GON4L: variants seen among roughly 807,000 people sequenced by gnomAD.
GON4L encodes the protein GON-4-like protein.
In GON4L, 87 loss-of-function variants were observed where a neutral mutation model predicts 211.8. That is an observed-to-expected ratio of 0.41 (90% confidence interval 0.35 to 0.49). The LOEUF (loss-of-function observed/expected upper bound fraction) is 0.49. GON4L is among the 20% of genes least tolerant of loss of function. GON4L has a pLI of 0.15. For missense variants in GON4L, 2,155 were observed against 2,659.5 expected (o/e 0.81, Z 4.17); for synonymous variants, 875 against 962.6 (o/e 0.91, Z 1.68).
intron 17 of GON4L, chr1:155,773,565 C>T (rs949064237): frequency 6.0e-5 from 13 of 217,746 alleles, no homozygotes; most frequent in African/African-American, 1.9e-4. Context: ...GATAAGAGAC[C>T]TTCAACAATG....
chr1:155,811,923 G>A (rs1194686416), intron 10 of GON4L, among the ~76,000 whole-genome samples: 3 of 145,910 alleles, frequency 2.1e-5, no homozygotes, highest in Non-Finnish European at 4.5e-5. Context: ...GTGGTGGTGG[G>A]CACCTGTAAT....
Position 155,800,465 on chromosome 1 carries a change from G to C in GON4L, c.1645+4484C>G, listed in dbSNP as rs1386754689. Among the ~76,000 whole-genome samples the C allele has an allele frequency of 7.9e-5, 12 of 151,610 alleles. No homozygotes were observed. In the East Asian group the frequency reaches 2.3e-3, roughly 29 times the overall value. On this transcript the variant is annotated intron_variant, in intron 11 of 31. Coordinates refer to ENST00000368331, the MANE Select transcript of GON4L (RefSeq NM_001282860.2). ...CCAGCTACTTGGGAGGCTGAGACAG[G>C]AGAATCGCTTGAACCTGAGAGGCGG...
rs181073681 is a variant in GON4L at position 155,750,689 on chromosome 1, G to A, written c.6621C>T (p.Ala2207=). 2.3e-5 allele frequency: 36 copies of A among 1,585,686 alleles called. No individual in the cohort carries two copies. In the African/African-American group the frequency reaches 4.4e-4, roughly 20 times the overall value. Residue 2207 remains alanine (A), a synonymous_variant, in exon 32 of 32, where the codon GCC becomes GCT. Coordinates refer to ENST00000368331, the MANE Select transcript of GON4L (RefSeq NM_001282860.2). Reference sequence around the variant, plus strand: ...CCTCATCCTCAGAGCTGGCTTCACAGGCAGTGTGGAAGAGCTGCATGAGTT... The same window carrying A: ...CCTCATCCTCAGAGCTGGCTTCACAAGCAGTGTGGAAGAGCTGCATGAGTT... ...FRELMQLFHT[A]CEASSEDEDD... is the part of the protein sequence containing the mutation.
intron 12 of GON4L, among the ~76,000 whole-genome samples, chr1:155,787,772 T>A (rs1040428046): frequency 1.3e-5 from 2 of 150,706 alleles, no homozygotes; most frequent in African/African-American, 2.4e-5. Flanking sequence ...GGACTCCATC[T>A]CAAAAATAAA....
At position 155,752,561 on chromosome 1, in the gene GON4L, A is replaced by T; in HGVS notation, c.5872T>A (p.Ser1958Thr). Residue 1958 changes from serine to threonine, a missense_variant, in exon 30 of 32, where the codon TCC becomes ACC. Ser to Thr is a moderately conservative substitution (Grantham distance 58). Transcript: ENST00000368331. ...AGLAVGSTLP[S>T]PREVTVTERL... The stretch of plus-strand genomic sequence containing the variant: ...TCTGTAACAGTCACTTCTCGAGGGG[A>T]TGGCAAAGTGCTCCCCACTGCCAAT... The T allele has an allele frequency of 6.3e-7, 1 of 1,595,664 alleles. No homozygotes were observed. Among genetic ancestry groups the T allele is most frequent in the Non-Finnish European group, 8.5e-7 (1 of 1,170,850 alleles).
chr1:155,791,603 C>T (rs1365926515), intron 12 of GON4L, among the ~76,000 whole-genome samples: 1 of 151,642 alleles, frequency 6.6e-6, no homozygotes, highest in East Asian at 1.9e-4. Flanking sequence ...CAGTGCGGCT[C>T]ATGACTGTAA....
intron 2 of GON4L, chr1:155,845,745 T>C (rs771097604): frequency 1.8e-5 from 5 of 273,240 alleles, no homozygotes; most frequent in African/African-American, 4.5e-5. Context: ...ACTAGTGACA[T>C]GAAGCCAAAG....
At chr1:155,806,010 GAT>G (rs1667096238) in intron 10 of GON4L, among the ~76,000 whole-genome samples, 1 of 135,334 alleles carries the variant, frequency 7.4e-6, no homozygotes, top group Non-Finnish European at 1.6e-5. Context: ...TTTTTTAAGA[GAT>G]AGAGTCTCAA....
intron 3 of GON4L, 132 bp from the exon 4 acceptor site, chr1:155,822,608 CAT>C (rs1190469861): frequency 2.8e-6 from 2 of 723,274 alleles, no homozygotes; most frequent in Non-Finnish European, 5.0e-6. Flanking sequence ...TAAAAGGACA[CAT>C]ATTATATGAC....
At chr1:155,815,312 A>G (rs1557892596) in intron 8 of GON4L, among the ~76,000 whole-genome samples, 1 of 152,238 alleles carries the variant, frequency 6.6e-6, no homozygotes, top group Non-Finnish European at 1.5e-5. Context: ...CTTAATGTTG[A>G]ATTTTAAAAA....
chr1:155,821,912 A>G (rs1250803774), intron 4 of GON4L, among the ~76,000 whole-genome samples: 1 of 152,258 alleles, frequency 6.6e-6, no homozygotes, highest in Non-Finnish European at 1.5e-5. Flanking sequence ...AAGTATTTAC[A>G]TATGTACAAA....
chr1:155,845,544 CT>C, intron 2 of GON4L: 1 of 305,198 alleles, frequency 3.3e-6, no homozygotes, highest in Non-Finnish European at 6.7e-6. Flanking sequence ...TTTACAGTCC[CT>C]TTTAATGAAG....
chr1:155,810,435 T>C (rs543428322), intron 10 of GON4L, among the ~76,000 whole-genome samples: 2 of 149,206 alleles, frequency 1.3e-5, no homozygotes, highest in East Asian at 4.1e-4. Flanking sequence ...AGGCCAGGCA[T>C]GGTGGCTCAC....
intron 10 of GON4L, among the ~76,000 whole-genome samples, chr1:155,806,587 G>C (rs1345807092): frequency 6.6e-6 from 1 of 152,094 alleles, no homozygotes; most frequent in Non-Finnish European, 1.5e-5. Context: ...ATGGTGGTAT[G>C]TGCCTGTGGT....
In GON4L at chr1:155,775,236, C is replaced by A. The variant is rs886232014; in HGVS notation, c.2179-63G>T. 3.7e-6 allele frequency: 6 copies of A among 1,608,378 alleles called. No individual in the cohort carries two copies. The African/African-American group carries it at 4.0e-5, about 11-fold the overall frequency. ...CCAGACAATTAATACCAGTAGCCTTCAGAATCTAAATGAGAAGCTGACCTT... is the reference window on the plus strand; with the variant it reads ...CCAGACAATTAATACCAGTAGCCTTAAGAATCTAAATGAGAAGCTGACCTT... On this transcript the variant is annotated intron_variant, in intron 16 of 31. Coordinates refer to ENST00000368331, the MANE Select transcript of GON4L (RefSeq NM_001282860.2).
intron 10 of GON4L, among the ~76,000 whole-genome samples, chr1:155,811,754 C>CA (rs145360103): frequency 0.59 from 19,303 of 32,872 alleles, 6,764 homozygotes; most frequent in Middle Eastern, 0.82. Context: ...GACTCTGTCT[C>CA]AAAAAAAAAA....
In GON4L at chr1:155,750,590, A is replaced by T; in HGVS notation, c.6720T>A (p.Asp2240Glu). Residue 2240 changes from aspartate (D) to glutamate (E), a missense_variant, in exon 32 of 32, where the codon GAT becomes GAA. Asp to Glu is a conservative substitution (Grantham distance 45). Around this residue, in one of 6 missense-constraint regions of GON4L, gnomAD observed 186 missense variants for 308.1 expected, o/e 0.60. Coordinates refer to ENST00000368331, the MANE Select transcript of GON4L (RefSeq NM_001282860.2). ...HGDLLSEEEL[D>E]E ...GTAGATGATTCCCAGAGTCTCATTC[A>T]TCCAGCTCCTCTTCAGACAGAAGGT... is the stretch of plus-strand genomic sequence containing the variant. 1 of 1,588,460 alleles carries T rather than the reference A, an allele frequency of 6.3e-7. No homozygotes were observed. The highest frequency in any genetic ancestry group is 1.1e-5 in the South Asian group (1 of 89,966).
intron 27 of GON4L, 143 bp from the exon 28 acceptor site, chr1:155,754,631 G>C (rs1292993077): frequency 1.5e-5 from 9 of 602,330 alleles, no homozygotes. Flanking sequence ...CCAGGTTCAA[G>C]GGATTCTCCT....
chr1:155,813,526 TCTTA>T, intron 10 of GON4L, 104 bp downstream of exon 10: 1 of 834,374 alleles, frequency 1.2e-6, no homozygotes, highest in Non-Finnish European at 2.0e-6. Context: ...AAAGACTAAC[TCTTA>T]CTTATATAAA....
Sources: allele counts gnomAD v4.1 joint callset (sites outside exome capture counted in the v4.1 genomes callset), GRCh38; gene constraint gnomAD v4.1.1; regional missense constraint gnomAD v4.1.1; transcripts MANE v1.5; gene names NCBI Gene and HGNC (gene_info 2026-07-23, HGNC 2026-07-21).